Variants in UPRT observed in about 807,000 individuals in gnomAD.
UPRT encodes the protein RP11-311P8.3.
UPRT carries 5 observed loss-of-function variants against 22.6 expected under a neutral mutation model. That is an observed-to-expected ratio of 0.22 (90% CI 0.12 to 0.47). The LOEUF is 0.47. Among genes scored for constraint, UPRT ranks in the 20% least tolerant of loss-of-function variants. UPRT has a pLI of 0.99. For missense variants in UPRT, 181 were observed against 239.9 expected (o/e 0.75, Z 1.62); for synonymous variants, 77 against 87.7 (o/e 0.88, Z 0.68).
chrX:75,219,477 T>A (rs2082403629), intron 4 of UPRT, among the ~76,000 whole-genome samples: 1 of 112,093 alleles, frequency 8.9e-6, no homozygotes, highest in African/African-American at 3.2e-5. Context: ...ATAAGTGGGC[T>A]TCATCAAGAG....
intron 4 of UPRT, among the ~76,000 whole-genome samples, chrX:75,225,500 T>C (rs756011789): frequency 4.5e-5 from 5 of 111,038 alleles, no homozygotes; most frequent in East Asian, 5.7e-4. Flanking sequence ...ATGCTTCCAG[T>C]TGGGGGAGAG....
intron 4 of UPRT, among the ~76,000 whole-genome samples, chrX:75,180,681 G>GTTTTTTTTTTTTTC (rs59522302): frequency 2.3e-5 from 1 of 43,895 alleles, no homozygotes; most frequent in Admixed American, 3.6e-4. Context: ...CCTTTTCTCT[G>GTTTTTTTTTTTTTC]TTTTTTTTTT....
At position 75,225,304 on chromosome X, in the gene UPRT, A is replaced by T. The variant is rs6647098; in HGVS notation, c.-447+57425A>T. On this transcript the variant is annotated intron_variant, in intron 4 of 13. Transcript: ENST00000652605. ...CAACATAGAGTCCATCTCTACAAAA[A>T]CAAAACCAAAACCAAAAACCACACA... 3.4e-3 allele frequency among the ~76,000 whole-genome samples: 328 copies of T among 97,400 alleles called. 1 individual carries two copies. Among genetic ancestry groups the T allele is most frequent in the African/African-American group, 0.011 (309 of 26,937 alleles). 84.6% of individuals were successfully genotyped at this position (97,400 alleles called of 115,157 possible).
intron 4 of UPRT, among the ~76,000 whole-genome samples, chrX:75,209,101 G>A (rs1425308700): frequency 1.8e-5 from 2 of 111,917 alleles, no homozygotes; most frequent in Non-Finnish European, 3.8e-5. Context: ...TAGAGGACCA[G>A]TCTATTTGTG....
rs373159924 is a variant in UPRT at position 75,173,658 on chromosome X, G to A, written c.-447+5779G>A. 8.0e-5 allele frequency among the ~76,000 whole-genome samples: 9 copies of A among 112,489 alleles called. No individual in the cohort carries two copies. The South Asian group carries it at 2.6e-3, about 32-fold the overall frequency. On this transcript the variant is annotated intron_variant, in intron 4 of 13. Coordinates refer to the UPRT transcript ENST00000652605. ...TGCCATGGAGCAGGGGGAAGTGCTC[G>A]TCGGGGAGGCTCGGGCCACACAGGA...
At chrX:75,253,009 A>C (rs150715759) in intron 4 of UPRT, among the ~76,000 whole-genome samples, 1 of 110,510 alleles carries the variant, frequency 9.0e-6, no homozygotes, top group South Asian at 4.0e-4. Context: ...ACATGGACAC[A>C]GGTAGGGGAA....
chrX:75,263,423 C>G (rs1449542660), intron 4 of UPRT, among the ~76,000 whole-genome samples: 2 of 111,614 alleles, frequency 1.8e-5, no homozygotes, highest in East Asian at 2.8e-4. Context: ...TTCCGGGATT[C>G]AACTTCTTCC....
chrX:75,231,967 T>G (rs1276197490), intron 4 of UPRT, among the ~76,000 whole-genome samples: 1 of 112,265 alleles, frequency 8.9e-6, no homozygotes, highest in African/African-American at 3.2e-5. Flanking sequence ...AGCTCTGGTC[T>G]ACAGCTACCA....
chrX:75,228,833 A>G (rs369519050), intron 4 of UPRT, among the ~76,000 whole-genome samples: 8 of 112,363 alleles, frequency 7.1e-5, no homozygotes, highest in African/African-American at 2.6e-4. Flanking sequence ...ATGATTTTAA[A>G]ATTTTGAAAT....
intron 4 of UPRT, among the ~76,000 whole-genome samples, chrX:75,232,719 G>C (rs942850159): frequency 8.9e-6 from 1 of 112,178 alleles, no homozygotes; most frequent in Non-Finnish European, 1.9e-5. Flanking sequence ...ACCTGCAGCT[G>C]AGAGTCCTGT....
chrX:75,208,879 T>C (rs1288604595), intron 4 of UPRT, among the ~76,000 whole-genome samples: 1 of 111,577 alleles, frequency 9.0e-6, no homozygotes, highest in Admixed American at 9.5e-5. Flanking sequence ...AACTTCAGGA[T>C]TAACAGAAAG....
At chrX:75,182,608 A>G (rs2082274128) in intron 4 of UPRT, among the ~76,000 whole-genome samples, 3 of 111,487 alleles carry the variant, frequency 2.7e-5, no homozygotes, top group Non-Finnish European at 5.7e-5. Context: ...GAATATATCT[A>G]TTTCTTTTAG....
At chrX:75,233,148 C>T (rs946434016) in intron 4 of UPRT, among the ~76,000 whole-genome samples, 1 of 110,885 alleles carries the variant, frequency 9.0e-6, no homozygotes, top group Admixed American at 9.6e-5. Context: ...TGCAGAAGCC[C>T]CAGGAGCCGA....
chrX:75,293,768 T>C (rs2082716291), intron 2 of UPRT, among the ~76,000 whole-genome samples: 2 of 111,846 alleles, frequency 1.8e-5, no homozygotes, highest in African/African-American at 6.5e-5. Context: ...AAATGGATCT[T>C]GGTAACTTGA....
At chrX:75,156,926 C>CACAG (rs748263766) in intron 1 of UPRT, among the ~76,000 whole-genome samples, 8 of 108,982 alleles carry the variant, frequency 7.3e-5, no homozygotes, top group African/African-American at 2.7e-4. Context: ...CACACACACA[C>CACAG]AGAGAGACTA....
At chrX:75,272,158 T>C (rs1431678516), upstream of UPRT, among the ~76,000 whole-genome samples, 3 of 107,631 alleles carry the variant, frequency 2.8e-5, no homozygotes, top group Non-Finnish European at 5.8e-5. Context: ...AAGAAGTCAT[T>C]ATACAGAAAA....
chrX:75,178,963 G>A (rs991312297), intron 4 of UPRT, among the ~76,000 whole-genome samples: 26 of 111,620 alleles, frequency 2.3e-4, no homozygotes, highest in Admixed American at 5.7e-4. Flanking sequence ...TTGACAGGGC[G>A]CTGATTGGTG....
At chrX:75,186,277 G>A (rs1322796616) in intron 4 of UPRT, among the ~76,000 whole-genome samples, 9 of 111,627 alleles carry the variant, frequency 8.1e-5, no homozygotes, top group African/African-American at 1.6e-4. Flanking sequence ...ATTTCGTTAT[G>A]TACCCAGTAG....
At chrX:75,203,314 A>G (rs1238992342) in intron 4 of UPRT, among the ~76,000 whole-genome samples, 1 of 111,406 alleles carries the variant, frequency 9.0e-6, no homozygotes, top group Non-Finnish European at 1.9e-5. Context: ...TTAGAGACCT[A>G]CAAAGAGACT....
Sources: allele counts gnomAD v4.1 joint callset (sites outside exome capture counted in the v4.1 genomes callset), GRCh38; gene constraint gnomAD v4.1.1; transcripts MANE v1.5; gene names NCBI Gene and HGNC (gene_info 2026-07-23, HGNC 2026-07-21).